The following CLPB variants were observed in gnomAD, a reference collection of about 807,000 sequenced individuals.
The protein encoded by CLPB is mitochondrial disaggregase.
In CLPB, 40 loss-of-function variants were observed where a neutral mutation model predicts 78.4. That is an observed-to-expected ratio of 0.51 (90% CI 0.40 to 0.66). The LOEUF is 0.66. Ranked by LOEUF, CLPB falls within the 30% of genes least tolerant of loss-of-function variation. The pLI is 0.00. For synonymous variants in CLPB, 333 were observed against 348.0 expected (o/e 0.96, Z 0.48); for missense variants, 780 against 886.9 (o/e 0.88, Z 1.53).
intron 6 of CLPB, among the ~76,000 whole-genome samples, chr11:72,320,032 A>G (rs1950017964): frequency 6.6e-6 from 1 of 152,204 alleles, no homozygotes; most frequent in South Asian, 2.1e-4. Context: ...CTCCATCTCT[A>G]GGAACCCTAG....
At chr11:72,297,567 C>T (rs1949572321) in intron 11 of CLPB, among the ~76,000 whole-genome samples, 1 of 152,038 alleles carries the variant, frequency 6.6e-6, no homozygotes, top group South Asian at 2.1e-4. Flanking sequence ...CAGCTTTTCA[C>T]TCTTACCCCA....
chr11:72,409,445 G>A (rs934565312), intron 2 of CLPB, among the ~76,000 whole-genome samples: 1 of 152,000 alleles, frequency 6.6e-6, no homozygotes, highest in African/African-American at 2.4e-5. Flanking sequence ...TTAGCCGGGC[G>A]TGGTGTCGGG....
intron 3 of CLPB, among the ~76,000 whole-genome samples, chr11:72,387,889 A>C (rs1469479739): frequency 6.6e-6 from 1 of 152,128 alleles, no homozygotes; most frequent in Non-Finnish European, 1.5e-5. Context: ...AATTTGGTTA[A>C]TCCTCAGCTG....
chr11:72,402,948 T>G lies in CLPB; in HGVS notation c.542+18A>C. On this transcript the variant is annotated intron_variant, in intron 3 of 15. Coordinates refer to ENST00000538039, the MANE Select transcript of CLPB (RefSeq NM_001258392.3). Reference sequence around the variant, plus strand: ...GAGATCTGCCTAAAGGAGCCCTGTGTGGAAGGTGGTCTCTCACCTGTTGTT... The same window carrying G: ...GAGATCTGCCTAAAGGAGCCCTGTGGGGAAGGTGGTCTCTCACCTGTTGTT... The G allele has an allele frequency of 6.2e-7, 1 of 1,609,950 alleles. No homozygotes were observed. Among genetic ancestry groups the G allele is most frequent in the Non-Finnish European group, 8.5e-7 (1 of 1,176,368 alleles).
chr11:72,430,416 A>C, intron 1 of CLPB, 53 bp from the exon 2 acceptor site: 1 of 1,558,460 alleles, frequency 6.4e-7, no homozygotes, highest in Non-Finnish European at 8.8e-7. Context: ...TACCCATCTC[A>C]GGACTGCGTG....
intron 4 of CLPB, among the ~76,000 whole-genome samples, chr11:72,376,649 A>G (rs1024093832): frequency 1.1e-5 from 1 of 93,922 alleles, no homozygotes. Context: ...CGTTATTATT[A>G]TTATTTTTTT....
chr11:72,428,161 C>T (rs1856441408), intron 2 of CLPB, among the ~76,000 whole-genome samples: 1 of 152,190 alleles, frequency 6.6e-6, no homozygotes, highest in African/African-American at 2.4e-5. Context: ...CAGAGGCCCA[C>T]TCACTCTTTC....
Position 72,405,342 on chromosome 11 carries a change from C to T in CLPB, c.456-2290G>A, listed in dbSNP as rs1430610534. Reference sequence around the variant, plus strand: ...AGACCTCGAATGTCAGACTAGGAGGCTAAGGCAGTGGGCATAAACCTTTCT... The same window carrying T: ...AGACCTCGAATGTCAGACTAGGAGGTTAAGGCAGTGGGCATAAACCTTTCT... On this transcript the variant is annotated intron_variant, in intron 2 of 15. Transcript: ENST00000538039. Among the ~76,000 whole-genome samples, 5 of 152,338 alleles carry T rather than the reference C, an allele frequency of 3.3e-5. No homozygotes were observed. In the East Asian group the frequency reaches 7.7e-4, roughly 23 times the overall value.
intron 7 of CLPB, among the ~76,000 whole-genome samples, chr11:72,311,835 G>C (rs1218963447): frequency 6.6e-6 from 1 of 152,242 alleles, no homozygotes; most frequent in East Asian, 1.9e-4. Context: ...CAAGCTCCAG[G>C]CAGGCTGCTC....
Position 72,387,152 on chromosome 11 carries a change from T to C in CLPB, c.543-6768A>G, listed in dbSNP as rs372352451. The stretch of plus-strand genomic sequence containing the variant: ...TTATAACCCACTGAGTAAAATAAGA[T>C]TCTCCATTGAAGTCCACACTGAAAA... On this transcript the variant is annotated intron_variant, in intron 3 of 15. Coordinates refer to ENST00000538039, the MANE Select transcript of CLPB (RefSeq NM_001258392.3). Among the ~76,000 whole-genome samples the C allele has an allele frequency of 2.0e-5, 3 of 152,322 alleles. No homozygotes were observed. The South Asian group carries it at 6.2e-4, about 32-fold the overall frequency.
At chr11:72,391,133 C>CT (rs1224140995) in intron 3 of CLPB, among the ~76,000 whole-genome samples, 1 of 152,096 alleles carries the variant, frequency 6.6e-6, no homozygotes. Context: ...AATTATAAAA[C>CT]TTCTAATTCC....
chr11:72,300,298 G>C (rs996619025), intron 11 of CLPB, among the ~76,000 whole-genome samples: 1 of 152,178 alleles, frequency 6.6e-6, no homozygotes, highest in Admixed American at 6.5e-5. Flanking sequence ...AGCCTCTGAA[G>C]ACAGCGAATG....
chr11:72,306,842 G>C (rs1949753877), intron 9 of CLPB, among the ~76,000 whole-genome samples: 1 of 152,182 alleles, frequency 6.6e-6, no homozygotes, highest in Admixed American at 6.5e-5. Context: ...TTGGAGCAGG[G>C]GGAGTGTCTT....
At chr11:72,422,814 T>G (rs1247152996) in intron 2 of CLPB, among the ~76,000 whole-genome samples, 1 of 152,174 alleles carries the variant, frequency 6.6e-6, no homozygotes, top group African/African-American at 2.4e-5. Flanking sequence ...TTTTGTTAAT[T>G]AGATAAAATC....
At chr11:72,425,760 C>T (rs181150203) in intron 2 of CLPB, among the ~76,000 whole-genome samples, 64 of 152,296 alleles carry the variant, frequency 4.2e-4, no homozygotes, top group African/African-American at 1.4e-3. Context: ...CCAGGCTGCT[C>T]CTTGCCTTAT....
intron 4 of CLPB, among the ~76,000 whole-genome samples, chr11:72,360,879 G>A (rs1950826444): frequency 6.6e-6 from 1 of 152,140 alleles, no homozygotes; most frequent in Non-Finnish European, 1.5e-5. Flanking sequence ...AGGCTCAGAG[G>A]TCACATAGCT....
At chr11:72,326,244 G>A (rs1410243135) in intron 6 of CLPB, among the ~76,000 whole-genome samples, 1 of 152,158 alleles carries the variant, frequency 6.6e-6, no homozygotes, top group Non-Finnish European at 1.5e-5. Flanking sequence ...GAGGGCTAGA[G>A]TCTTTGAATT....
At position 72,294,393 on chromosome 11, in the gene CLPB, A is replaced by C. The variant is rs1949511557; in HGVS notation, c.1612T>G (p.Phe538Val). The C allele has an allele frequency of 1.9e-6, 3 of 1,614,106 alleles. No individual in the cohort carries two copies. Among genetic ancestry groups the C allele is most frequent in the African/African-American group, 2.7e-5 (2 of 74,950 alleles). Residue 538 changes from phenylalanine to valine, a missense_variant, in exon 14 of 16, where the codon TTC becomes GTC. Coordinates refer to ENST00000538039, the MANE Select transcript of CLPB (RefSeq NM_001258392.3). ...FLGRINEIVYFLPFCHSELIQ... is the reference protein window; with the variant it reads ...FLGRINEIVYVLPFCHSELIQ... Reference sequence around the variant, plus strand: ...AGCTCCGAGTGGCAGAAGGGGAGGAAGTAGACGATCTCATTGATCCGTCCC... The same window carrying C: ...AGCTCCGAGTGGCAGAAGGGGAGGACGTAGACGATCTCATTGATCCGTCCC...
intron 11 of CLPB, among the ~76,000 whole-genome samples, chr11:72,301,365 G>A (rs1158844486): frequency 4.6e-5 from 7 of 152,156 alleles, no homozygotes; most frequent in Admixed American, 4.6e-4. Flanking sequence ...TGGCACACAG[G>A]GAGGAACAAG....
Sources: allele counts gnomAD v4.1 joint callset (sites outside exome capture counted in the v4.1 genomes callset), GRCh38; gene constraint gnomAD v4.1.1; transcripts MANE v1.5; gene names NCBI Gene and HGNC (gene_info 2026-07-23, HGNC 2026-07-21).